SLIT3: variants seen among roughly 807,000 people sequenced by gnomAD.
SLIT3 encodes slit homolog 3 protein.
In SLIT3, 68 loss-of-function variants were observed where a neutral mutation model predicts 184.0. The observed-to-expected ratio is 0.37, with a 90% CI of 0.30 to 0.45. The LOEUF is 0.45. SLIT3 is among the 20% of genes least tolerant of loss of function. SLIT3 has a pLI of 1.00. For missense variants in SLIT3, 1,707 were observed against 2,026.0 expected, an observed-to-expected ratio of 0.84 and a Z score of 3.02; for synonymous variants, 831 against 828.6, an observed-to-expected ratio of 1.00 and a Z score of -0.05.
chr5:168,716,275 C>G (rs1428206608), intron 23 of SLIT3, among the ~76,000 whole-genome samples: 5 of 152,122 alleles, frequency 3.3e-5, no homozygotes, highest in Non-Finnish European at 5.9e-5. Flanking sequence ...AGTATCATTG[C>G]AGTACCTGCA....
intron 32 of SLIT3, among the ~76,000 whole-genome samples, chr5:168,678,177 T>TA (rs1238742110): frequency 6.6e-6 from 1 of 152,190 alleles, no homozygotes; most frequent in African/African-American, 2.4e-5. Flanking sequence ...AGGTCGCCTC[T>TA]TCCTGGCAAC....
intron 18 of SLIT3, among the ~76,000 whole-genome samples, chr5:168,750,681 T>C (rs961003915): frequency 6.6e-6 from 1 of 152,140 alleles, no homozygotes; most frequent in Non-Finnish European, 1.5e-5. Context: ...TGGACTAAAA[T>C]GGACCAGTTC....
chr5:169,028,375 T>C (rs577784273), intron 4 of SLIT3, among the ~76,000 whole-genome samples: 3 of 152,330 alleles, frequency 2.0e-5, no homozygotes, highest in Non-Finnish European at 4.4e-5. Context: ...CAGGGCTGTG[T>C]AGGCTCCCAC....
intron 5 of SLIT3, among the ~76,000 whole-genome samples, chr5:168,856,766 C>CTCGTGTGTGT (rs1554149428): frequency 1.5e-5 from 2 of 132,866 alleles, no homozygotes; most frequent in African/African-American, 5.8e-5. Flanking sequence ...CTGAGTTCCT[C>CTCGTGTGTGT]GTGTGTGTGT....
intron 4 of SLIT3, among the ~76,000 whole-genome samples, chr5:169,125,429 C>A (rs1761045670): frequency 6.6e-6 from 1 of 152,208 alleles, no homozygotes. Flanking sequence ...AAAGGAATCA[C>A]CAAGTCTTGT....
chr5:168,817,090 T>C (rs917691139), intron 8 of SLIT3, among the ~76,000 whole-genome samples: 8 of 152,338 alleles, frequency 5.3e-5, no homozygotes, highest in Middle Eastern at 6.8e-3. Flanking sequence ...AGCATTTCCC[T>C]TTACCAGATG....
chr5:168,828,549 A>G (rs1757774791), intron 6 of SLIT3, among the ~76,000 whole-genome samples: 1 of 151,592 alleles, frequency 6.6e-6, no homozygotes, highest in Non-Finnish European at 1.5e-5. Context: ...AGTCCCAGCT[A>G]CTTGAGGGGC....
intron 4 of SLIT3, among the ~76,000 whole-genome samples, chr5:169,039,156 G>T (rs975454895): frequency 1.3e-5 from 2 of 152,056 alleles, no homozygotes; most frequent in African/African-American, 4.8e-5. Flanking sequence ...TGAGGATGGT[G>T]TTGCACACTG....
At chr5:168,727,990 G>C (rs1458157974) in intron 20 of SLIT3, among the ~76,000 whole-genome samples, 1 of 152,106 alleles carries the variant, frequency 6.6e-6, no homozygotes, top group Admixed American at 6.5e-5. Context: ...TCTTCTCCAG[G>C]GAGATCCGAG....
At chr5:168,898,618 G>A (rs1414149978) in intron 4 of SLIT3, among the ~76,000 whole-genome samples, 1 of 152,126 alleles carries the variant, frequency 6.6e-6, no homozygotes, top group East Asian at 1.9e-4. Flanking sequence ...GTGAAAAGGG[G>A]ATTAAAAGAG....
intron 27 of SLIT3, among the ~76,000 whole-genome samples, chr5:168,699,240 G>A (rs576585353): frequency 2.6e-5 from 4 of 152,374 alleles, no homozygotes; most frequent in African/African-American, 9.6e-5. Flanking sequence ...CACGTGGGCG[G>A]GCGGGTTCCC....
chr5:168,830,212 C>T (rs532751311), intron 6 of SLIT3, among the ~76,000 whole-genome samples: 2 of 152,202 alleles, frequency 1.3e-5, no homozygotes, highest in Admixed American at 1.3e-4. Flanking sequence ...ACTCTCTCAA[C>T]CTCAGGTTGA....
intron 25 of SLIT3, 186 bp from the exon 26 acceptor site, chr5:168,708,286 T>G (rs1404003915): frequency 1.5e-6 from 1 of 682,454 alleles, no homozygotes; most frequent in Non-Finnish European, 2.5e-6. Flanking sequence ...ATTCAGCCAC[T>G]GTCCAGTGAG....
intron 4 of SLIT3, among the ~76,000 whole-genome samples, chr5:169,103,227 A>G (rs1485468917): frequency 6.6e-6 from 1 of 152,260 alleles, no homozygotes; most frequent in Non-Finnish European, 1.5e-5. Context: ...GCTCGGAAAT[A>G]GTGAAAACTG....
At chr5:168,972,351 G>GTGTGTGTGTGTGTGTGTGTT (rs1441144467) in intron 4 of SLIT3, among the ~76,000 whole-genome samples, 2 of 150,522 alleles carry the variant, frequency 1.3e-5, no homozygotes, top group African/African-American at 4.9e-5. Context: ...GTGTGTGTGT[G>GTGTGTGTGTGTGTGTGTGTT]TGTGTGTGTG....
chr5:169,037,473 T>G (rs970003054), intron 4 of SLIT3, among the ~76,000 whole-genome samples: 3 of 151,912 alleles, frequency 2.0e-5, no homozygotes, highest in Non-Finnish European at 2.9e-5. Flanking sequence ...TGCCTTGAAA[T>G]AGAAAAATAA....
intron 1 of SLIT3, 103 bp from the exon 2 acceptor site, chr5:169,251,562 C>T (rs1328693843): frequency 1.7e-5 from 13 of 784,714 alleles, no homozygotes; most frequent in South Asian, 4.3e-5. Context: ...GTCCAGAAGG[C>T]GGCAATTCTG....
intron 4 of SLIT3, among the ~76,000 whole-genome samples, chr5:168,937,904 C>A (rs531604779): frequency 6.6e-6 from 1 of 151,780 alleles, no homozygotes; most frequent in African/African-American, 2.4e-5. Context: ...CCAAAGCAAA[C>A]CCTCAGATTC....
rs181355234 is a variant in SLIT3 at position 168,816,332 on chromosome 5, G to A, written c.793+968C>T. On this transcript the variant is annotated intron_variant, in intron 8 of 35. Transcript: ENST00000519560. Reference sequence around the variant, plus strand: ...CTCCTGAGTAGCAGGGATTACAGGTGCCCGCCACCACGTCCAGCTAATTTT... The same window carrying A: ...CTCCTGAGTAGCAGGGATTACAGGTACCCGCCACCACGTCCAGCTAATTTT... Among the ~76,000 whole-genome samples, 254 of 152,206 alleles carry A rather than the reference G, an allele frequency of 1.7e-3. 4 individuals carry two copies. Among genetic ancestry groups the A allele is most frequent in the African/African-American group, 5.4e-3 (224 of 41,540 alleles).
Sources: allele counts gnomAD v4.1 joint callset (sites outside exome capture counted in the v4.1 genomes callset), GRCh38; gene constraint gnomAD v4.1.1; transcripts MANE v1.5; gene names NCBI Gene and HGNC (gene_info 2026-07-23, HGNC 2026-07-21).